The following PTH2R variants were observed in gnomAD, a reference collection of about 807,000 sequenced individuals.
PTH2R encodes the protein PTH2 receptor.
PTH2R carries 59 observed loss-of-function variants against 60.3 expected under a neutral mutation model. The observed-to-expected ratio is 0.98, with a 90% CI of 0.79 to 1.22. PTH2R has a LOEUF of 1.22. PTH2R is among the 50% of genes most tolerant of loss of function. The pLI is 0.00. For synonymous variants in PTH2R, 256 were observed against 243.8 expected (o/e 1.05, Z -0.47); for missense variants, 749 against 682.6 (o/e 1.10, Z -1.08).
At chr2:208,392,530 T>A (rs1311702519) in intron 1 of PTH2R, among the ~76,000 whole-genome samples, 1 of 152,156 alleles carries the variant, frequency 6.6e-6, no homozygotes, top group African/African-American at 2.4e-5. Context: ...AAAGAGTTTG[T>A]CCTGGGGCTA....
chr2:208,406,726 G>A (rs1325549829), upstream of PTH2R: 3 of 249,478 alleles, frequency 1.2e-5, no homozygotes, highest in Non-Finnish European at 2.3e-5. Context: ...GGGCGCACCC[G>A]GATCCGCCTG....
intron 7 of PTH2R, among the ~76,000 whole-genome samples, chr2:208,449,460 T>TAGATAGATAGAC (rs1702358853): frequency 2.0e-5 from 3 of 151,968 alleles, no homozygotes; most frequent in African/African-American, 7.2e-5. Flanking sequence ...GATAAATAGA[T>TAGATAGATAGAC]AGATAGATAG....
chr2:208,395,214 AT>A (rs577473094), intron 1 of PTH2R, among the ~76,000 whole-genome samples: 1 of 151,672 alleles, frequency 6.6e-6, no homozygotes, highest in Non-Finnish European at 1.5e-5. Flanking sequence ...TGCCTGGCTA[AT>A]TTTTTGTATT....
chr2:208,477,669 A>G (rs1319873113), intron 9 of PTH2R, among the ~76,000 whole-genome samples: 2 of 151,994 alleles, frequency 1.3e-5, no homozygotes, highest in African/African-American at 4.8e-5. Context: ...TTTTAAAACC[A>G]TATTTACAAA....
rs928255361 is a variant in PTH2R at position 208,449,334 on chromosome 2, A to G, written c.854-1415A>G. On this transcript the variant is annotated intron_variant, in intron 7 of 12. Transcript: ENST00000272847. ...TTAATTTTGACTGCTTCACCAGAAT[A>G]TAAGTTTTAGAAAACAGGGATATTG... Among the ~76,000 whole-genome samples the G allele has an allele frequency of 2.0e-5, 3 of 152,210 alleles. No homozygotes were observed. In the South Asian group the frequency reaches 6.2e-4, roughly 31 times the overall value.
chr2:208,430,910 G>A (rs1027575341), intron 2 of PTH2R, among the ~76,000 whole-genome samples: 2 of 151,924 alleles, frequency 1.3e-5, no homozygotes, highest in South Asian at 4.2e-4. Flanking sequence ...ATATTCTGCA[G>A]TTTCACTCTG....
At chr2:208,412,434 C>T (rs936878911) in intron 1 of PTH2R, among the ~76,000 whole-genome samples, 3 of 152,100 alleles carry the variant, frequency 2.0e-5, no homozygotes, top group Admixed American at 6.5e-5. Context: ...ATTCTCATTG[C>T]CAATTGCTGG....
At chr2:208,407,651 G>A (rs1701444928) in intron 1 of PTH2R, among the ~76,000 whole-genome samples, 1 of 152,190 alleles carries the variant, frequency 6.6e-6, no homozygotes, top group African/African-American at 2.4e-5. Flanking sequence ...AATGTTAAGC[G>A]GTGGCTGTCA....
chr2:208,406,662 C>T (rs191011031), upstream of PTH2R, among the ~76,000 whole-genome samples: 225 of 152,284 alleles, frequency 1.5e-3, 1 homozygote, highest in Non-Finnish European at 2.8e-3. Context: ...GCCCTCCGCC[C>T]CCTGGGCTGC....
intron 1 of PTH2R, among the ~76,000 whole-genome samples, chr2:208,399,227 G>T (rs369342811): frequency 6.6e-6 from 1 of 152,082 alleles, no homozygotes; most frequent in East Asian, 1.9e-4. Context: ...TACTTAGTGA[G>T]TTTACTGGAA....
intron 8 of PTH2R, among the ~76,000 whole-genome samples, chr2:208,452,794 A>G (rs1702432138): frequency 6.6e-6 from 1 of 152,212 alleles, no homozygotes; most frequent in African/African-American, 2.4e-5. Context: ...AAGTAAGTTA[A>G]AACTCATTAT....
intron 1 of PTH2R, among the ~76,000 whole-genome samples, chr2:208,419,858 C>G (rs1701717588): frequency 2.0e-5 from 3 of 152,112 alleles, no homozygotes; most frequent in South Asian, 2.1e-4. Context: ...CGGCACTATT[C>G]ACAATAGCAA....
At chr2:208,449,125 A>G (rs1010211656) in intron 7 of PTH2R, among the ~76,000 whole-genome samples, 1 of 152,206 alleles carries the variant, frequency 6.6e-6, no homozygotes, top group Non-Finnish European at 1.5e-5. Context: ...TTTTGAAGAC[A>G]ACCAAGATAG....
intron 1 of PTH2R, among the ~76,000 whole-genome samples, chr2:208,366,105 C>T (rs1013279130): frequency 2.7e-5 from 4 of 148,866 alleles, no homozygotes; most frequent in Admixed American, 2.0e-4. Context: ...CAGGCATGAG[C>T]CACCACGTCT....
At chr2:208,413,714 C>T (rs1701586802) in intron 1 of PTH2R, among the ~76,000 whole-genome samples, 1 of 152,054 alleles carries the variant, frequency 6.6e-6, no homozygotes, top group African/African-American at 2.4e-5. Context: ...CCTAATTAGC[C>T]ACCTTGAATA....
At chr2:208,432,389 C>A (rs974720822) in intron 2 of PTH2R, among the ~76,000 whole-genome samples, 2 of 152,110 alleles carry the variant, frequency 1.3e-5, no homozygotes, top group African/African-American at 4.8e-5. Context: ...ACTATAGAAC[C>A]ACTGAAGATG....
intron 1 of PTH2R, among the ~76,000 whole-genome samples, chr2:208,370,182 G>A (rs912726210): frequency 3.9e-5 from 6 of 151,934 alleles, no homozygotes; most frequent in South Asian, 2.1e-4. Context: ...GGTGGCTCAC[G>A]CCTGTAATCA....
chr2:208,470,075 GAC>G (rs937755336), intron 9 of PTH2R: 3 of 152,226 alleles, frequency 2.0e-5, no homozygotes, highest in Admixed American at 1.3e-4. Context: ...TAAAACCAGA[GAC>G]ACAAAAATAC....
At chr2:208,430,415 A>G (rs1472797799) in intron 2 of PTH2R, among the ~76,000 whole-genome samples, 1 of 151,624 alleles carries the variant, frequency 6.6e-6, no homozygotes, top group Non-Finnish European at 1.5e-5. Flanking sequence ...TTCTGGACAT[A>G]TGATCCTTGG....
Sources: allele counts gnomAD v4.1 joint callset (sites outside exome capture counted in the v4.1 genomes callset), GRCh38; gene constraint gnomAD v4.1.1; transcripts MANE v1.5; gene names NCBI Gene and HGNC (gene_info 2026-07-23, HGNC 2026-07-21).